The following NXPH1 variants were observed in gnomAD, a reference collection of about 807,000 sequenced individuals.
NXPH1 encodes the protein neurexophilin 1, also known as neurexophilin-1.
In NXPH1, 5 loss-of-function variants were observed where a neutral mutation model predicts 23.7. The observed-to-expected ratio is 0.21, with a 90% CI of 0.11 to 0.44. The LOEUF (loss-of-function observed/expected upper bound fraction) is 0.44. Among genes scored for constraint, NXPH1 ranks in the 20% least tolerant of loss-of-function variants. NXPH1 has a pLI of 0.99. For missense variants in NXPH1, 324 were observed against 321.6 expected (o/e 1.01, Z -0.06); for synonymous variants, 144 against 122.2 (o/e 1.18, Z -1.18).
At chr7:8,676,379 T>G (rs1378047844) in intron 2 of NXPH1, among the ~76,000 whole-genome samples, 21 of 152,190 alleles carry the variant, frequency 1.4e-4, no homozygotes. Context: ...TAAACTGAAG[T>G]CATTTGCATA....
chr7:8,658,390 A>G (rs956515461), intron 2 of NXPH1, among the ~76,000 whole-genome samples: 1 of 152,210 alleles, frequency 6.6e-6, no homozygotes, highest in Admixed American at 6.5e-5. Flanking sequence ...TTTAGTACTT[A>G]AATTTTTTCT....
intron 2 of NXPH1, among the ~76,000 whole-genome samples, chr7:8,695,047 T>C (rs1821284569): frequency 6.6e-6 from 1 of 152,202 alleles, no homozygotes; most frequent in African/African-American, 2.4e-5. Context: ...AACTAGGATA[T>C]CAACTTTTAT....
intron 2 of NXPH1, among the ~76,000 whole-genome samples, chr7:8,473,478 G>C (rs1423344017): frequency 6.6e-6 from 1 of 152,122 alleles, no homozygotes; most frequent in Non-Finnish European, 1.5e-5. Flanking sequence ...AAACTGGCAT[G>C]CGGGTGTGAG....
At chr7:8,459,059 T>A (rs994349508) in intron 2 of NXPH1, among the ~76,000 whole-genome samples, 5 of 152,098 alleles carry the variant, frequency 3.3e-5, no homozygotes, top group Admixed American at 3.3e-4. Context: ...AGTAGCTTTT[T>A]GATTCTGATC....
At chr7:8,591,032 A>C (rs1355623724) in intron 2 of NXPH1, among the ~76,000 whole-genome samples, 1 of 152,048 alleles carries the variant, frequency 6.6e-6, no homozygotes, top group Admixed American at 6.6e-5. Flanking sequence ...GAAGTGTTTA[A>C]TTTGCTACCA....
chr7:8,519,231 A>C (rs1297002281), intron 2 of NXPH1, among the ~76,000 whole-genome samples: 1 of 152,188 alleles, frequency 6.6e-6, no homozygotes, highest in African/African-American at 2.4e-5. Flanking sequence ...ATGGTGTAAA[A>C]AATTATAAAA....
chr7:8,656,616 A>T (rs1467353340), intron 2 of NXPH1, among the ~76,000 whole-genome samples: 1 of 150,884 alleles, frequency 6.6e-6, no homozygotes, highest in Non-Finnish European at 1.5e-5. Context: ...ATATGTATAC[A>T]TGTGTCATGC....
At chr7:8,524,417 C>G (rs558585778) in intron 2 of NXPH1, among the ~76,000 whole-genome samples, 7 of 152,080 alleles carry the variant, frequency 4.6e-5, no homozygotes, top group Non-Finnish European at 1.0e-4. Flanking sequence ...TTACAGGAGT[C>G]TTTCTGCAGG....
At chr7:8,630,764 T>C (rs1330085182) in intron 2 of NXPH1, among the ~76,000 whole-genome samples, 2 of 152,138 alleles carry the variant, frequency 1.3e-5, no homozygotes, top group African/African-American at 4.8e-5. Flanking sequence ...ATGCTGGGTT[T>C]TTTCTCCTTT....
intron 2 of NXPH1, among the ~76,000 whole-genome samples, chr7:8,645,926 A>C (rs73054648): frequency 6.6e-6 from 1 of 151,976 alleles, no homozygotes; most frequent in Non-Finnish European, 1.5e-5. Context: ...TGCCAATTCC[A>C]TGTGTGTTAA....
Position 8,734,786 on chromosome 7 carries a change from G to A in NXPH1, c.55-16222G>A, listed in dbSNP as rs551351182. On this transcript the variant is annotated intron_variant, in intron 2 of 2. Transcript: ENST00000405863. Reference sequence around the variant, plus strand: ...CTCATTGATCTGTCTAATATTGACCGTGGGGTATTAAAGACTCCCACTTTT... The same window carrying A: ...CTCATTGATCTGTCTAATATTGACCATGGGGTATTAAAGACTCCCACTTTT... 6.2e-4 allele frequency among the ~76,000 whole-genome samples: 95 copies of A among 152,284 alleles called. 2 individuals carry two copies. The highest frequency in any genetic ancestry group is 1.7e-3 in the Admixed American group (26 of 15,300).
chr7:8,647,064 A>G (rs1259532960), intron 2 of NXPH1, among the ~76,000 whole-genome samples: 1 of 152,152 alleles, frequency 6.6e-6, no homozygotes, highest in East Asian at 1.9e-4. Context: ...GGACAGGCAG[A>G]CAATCGGACA....
intron 2 of NXPH1, among the ~76,000 whole-genome samples, chr7:8,668,459 G>A (rs1820816778): frequency 6.6e-6 from 1 of 152,138 alleles, no homozygotes; most frequent in Non-Finnish European, 1.5e-5. Context: ...AAGCTTATTT[G>A]ATTCTTGGGT....
chr7:8,510,513 C>T (rs947930641), intron 2 of NXPH1, among the ~76,000 whole-genome samples: 1 of 151,886 alleles, frequency 6.6e-6, no homozygotes, highest in Non-Finnish European at 1.5e-5. Context: ...GCATTAGCCC[C>T]ACTAACATAT....
intron 2 of NXPH1, among the ~76,000 whole-genome samples, chr7:8,541,939 A>C (rs1818124329): frequency 6.6e-6 from 1 of 151,528 alleles, no homozygotes; most frequent in African/African-American, 2.4e-5. Context: ...AGGAAAAGAG[A>C]AAGAACAGAT....
At chr7:8,636,328 A>G (rs1820218362) in intron 2 of NXPH1, among the ~76,000 whole-genome samples, 1 of 152,298 alleles carries the variant, frequency 6.6e-6, no homozygotes, top group East Asian at 1.9e-4. Context: ...TATCTGTAGA[A>G]CTGTCTTCCA....
At chr7:8,511,732 C>G (rs1442223667) in intron 2 of NXPH1, among the ~76,000 whole-genome samples, 1 of 152,130 alleles carries the variant, frequency 6.6e-6, no homozygotes, top group African/African-American at 2.4e-5. Context: ...ACAATTATTT[C>G]TGTTCTGATG....
At chr7:8,666,376 G>C (rs1409854738) in intron 2 of NXPH1, among the ~76,000 whole-genome samples, 1 of 151,952 alleles carries the variant, frequency 6.6e-6, no homozygotes, top group Non-Finnish European at 1.5e-5. Flanking sequence ...ACATCCCTGA[G>C]ATAAACACCA....
intron 2 of NXPH1, among the ~76,000 whole-genome samples, chr7:8,616,768 A>G (rs915047607): frequency 6.6e-6 from 1 of 151,876 alleles, no homozygotes; most frequent in Admixed American, 6.6e-5. Flanking sequence ...TCATACAGTT[A>G]TAAAGATTTT....
Sources: allele counts gnomAD v4.1 joint callset (sites outside exome capture counted in the v4.1 genomes callset), GRCh38; gene constraint gnomAD v4.1.1; transcripts MANE v1.5; gene names NCBI Gene and HGNC (gene_info 2026-07-23, HGNC 2026-07-21).